The following SUPV3L1 variants were observed in gnomAD, a reference collection of about 807,000 sequenced individuals.
SUPV3L1 encodes the protein Suv3 like RNA helicase, also known as ATP-dependent RNA helicase SUPV3L1, mitochondrial.
In SUPV3L1, 35 loss-of-function variants were observed where a neutral mutation model predicts 70.0. The ratio of observed to expected loss-of-function variants is 0.50; its 90% CI spans 0.38 to 0.66. The LOEUF (loss-of-function observed/expected upper bound fraction) is 0.66. Ranked by LOEUF, SUPV3L1 falls within the 30% of genes least tolerant of loss-of-function variation. The pLI is 0.00. For synonymous variants in SUPV3L1, 364 were observed against 341.9 expected (o/e 1.06, Z -0.71); for missense variants, 777 against 961.5 (o/e 0.81, Z 2.54).
rs1842269220 is a variant in SUPV3L1, at chr10:69,187,660, TC to T, written c.479del (p.Pro160HisfsTer4). ...TTTCCAGCTCATGCGGATGATTTAT[TC>T]CCATTTTTCTTGAGACATGCCAAAC... ...CFGAAHADDL[F>X]PFFLRHAKQI... On this transcript the variant is annotated frameshift_variant, in exon 4 of 15. Transcript: ENST00000359655. LOFTEE classifies it high-confidence loss of function. 1 of 1,610,794 alleles carries T rather than the reference TC, an allele frequency of 6.2e-7. No individual in the cohort carries two copies. The highest frequency in any genetic ancestry group is 1.1e-5 in the South Asian group (1 of 90,230).
chr10:69,203,169 C>T, intron 13 of SUPV3L1, 126 bp downstream of exon 13: 1 of 1,003,962 alleles, frequency 1.0e-6, no homozygotes, highest in Non-Finnish European at 1.4e-6. Flanking sequence ...TTTGTAAAAA[C>T]TTAAATAGGG....
intron 11 of SUPV3L1, among the ~76,000 whole-genome samples, chr10:69,201,537 CTT>C (rs35634841): frequency 1.5e-4 from 20 of 137,512 alleles, no homozygotes; most frequent in East Asian, 2.1e-4. Context: ...TTTTTCTTTC[CTT>C]TTTTTTTTTT....
chr10:69,207,127 G>A (rs890067705), intron 13 of SUPV3L1, among the ~76,000 whole-genome samples: 1 of 152,154 alleles, frequency 6.6e-6, no homozygotes, highest in African/African-American at 2.4e-5. Flanking sequence ...TCTGTCCATA[G>A]CTTTAGAACA....
At chr10:69,189,226 T>G in intron 4 of SUPV3L1, 41 bp from the exon 5 acceptor site, 1 of 1,560,460 alleles carries the variant, frequency 6.4e-7, no homozygotes, top group Non-Finnish European at 8.7e-7. Flanking sequence ...GGATGGATTT[T>G]GAGGTTAATG....
intron 8 of SUPV3L1, 118 bp from the exon 9 acceptor site, chr10:69,198,254 C>T: frequency 1.2e-6 from 1 of 805,572 alleles, no homozygotes; most frequent in Non-Finnish European, 1.9e-6. Context: ...TTTTGAAAAA[C>T]ATTGGTACTT....
intron 1 of SUPV3L1, among the ~76,000 whole-genome samples, chr10:69,184,459 C>G (rs747298779): frequency 6.6e-6 from 1 of 152,090 alleles, no homozygotes. Context: ...CTCTTGAGCC[C>G]GAAAGGCGGA....
At chr10:69,183,882 C>CT (rs11375472) in intron 1 of SUPV3L1, among the ~76,000 whole-genome samples, 115,407 of 144,052 alleles carry the variant, frequency 0.8, 46,739 homozygotes, top group Non-Finnish European at 0.89. Flanking sequence ...TCCCCAGTGT[C>CT]TTTTTTTTTT....
At chr10:69,182,439 T>C in intron 1 of SUPV3L1, 1 of 811,634 alleles carries the variant, frequency 1.2e-6, no homozygotes, top group Non-Finnish European at 1.5e-6. Flanking sequence ...TTATTTTATA[T>C]TATTTGAAGG....
intron 10 of SUPV3L1, 52 bp downstream of exon 10, chr10:69,199,249 T>A (rs773426564): frequency 1.2e-4 from 177 of 1,419,330 alleles, no homozygotes; most frequent in Non-Finnish European, 1.6e-4. Context: ...AAATGGTGGT[T>A]TTTTTGTTTT....
Position 69,187,730 on chromosome 10 carries a change from C to T in SUPV3L1, c.546C>T (p.Ile182=). Residue 182 remains isoleucine (I), a synonymous_variant, in exon 4 of 15, where the codon ATC becomes ATT. Coordinates refer to ENST00000359655, the MANE Select transcript of SUPV3L1 (RefSeq NM_003171.5). ...ACTGTAAGGATGATCTACGTAAAAT[C>T]AGTGACTTAAGAATACCACCTAACT... ...VLDCKDDLRK[I]SDLRIPPNWY... 1.2e-6 allele frequency: 2 copies of T among 1,611,122 alleles called. No individual in the cohort carries two copies. Among genetic ancestry groups the T allele is most frequent in the East Asian group, 2.2e-5 (1 of 44,834 alleles).
intron 3 of SUPV3L1, among the ~76,000 whole-genome samples, chr10:69,187,093 G>T (rs995629459): frequency 6.6e-6 from 1 of 151,984 alleles, no homozygotes; most frequent in Non-Finnish European, 1.5e-5. Flanking sequence ...GCCTGTCTGT[G>T]GTTTTCGAAG....
chr10:69,202,395 A>T (rs1304124088), intron 11 of SUPV3L1, 44 bp from the exon 12 acceptor site: 1 of 1,535,232 alleles, frequency 6.5e-7, no homozygotes, highest in African/African-American at 1.5e-5. Context: ...TCCTTTTTGA[A>T]AAAAAAAAAA....
At chr10:69,201,369 G>T (rs1360135878) in intron 11 of SUPV3L1, among the ~76,000 whole-genome samples, 5 of 152,084 alleles carry the variant, frequency 3.3e-5, no homozygotes, top group Non-Finnish European at 7.4e-5. Context: ...TAGCTAAAGA[G>T]AACTCACTTC....
In SUPV3L1 at chr10:69,180,334, G is replaced by C; in HGVS notation, c.43G>C (p.Gly15Arg). Residue 15 changes from glycine to arginine, a missense_variant, in exon 1 of 15, where the codon GGG becomes CGG. Transcript: ENST00000359655. ...RALLWARLPA[G>R]RQAGHRAAIC... is the part of the protein sequence containing the mutation. ...CCTATTGTGGGCTCGGCTCCCGGCG[G>C]GGCGCCAGGCTGGCCACCGGGCAGC... is the stretch of plus-strand genomic sequence containing the variant. The C allele has an allele frequency of 6.2e-7, 1 of 1,614,042 alleles. No individual in the cohort carries two copies. The highest frequency in any genetic ancestry group is 8.5e-7 in the Non-Finnish European group (1 of 1,179,996).
At position 69,195,105 on chromosome 10, in the gene SUPV3L1, G is replaced by A. The variant is rs1842507078; in HGVS notation, c.854-83G>A. On this transcript the variant is annotated intron_variant, in intron 6 of 14. Transcript: ENST00000359655. ...AAGTGATGGTGGTAGTGGTGATGGT[G>A]ATGCTTGAATTTTGGTGTTGGAATT... 6 of 1,079,034 alleles carry A rather than the reference G, an allele frequency of 5.6e-6. No homozygotes were observed. In the Admixed American group the frequency reaches 1.4e-4, roughly 25 times the overall value. The allele number at this position is 1,079,034 out of a possible 1,614,324, so 66.8% of individuals were successfully genotyped here.
At chr10:69,206,618 T>C (rs1049455265) in intron 13 of SUPV3L1, among the ~76,000 whole-genome samples, 4 of 151,904 alleles carry the variant, frequency 2.6e-5, no homozygotes, top group African/African-American at 7.3e-5. Flanking sequence ...AAGCAAAGAG[T>C]GTTGACTTGG....
chr10:69,191,503 A>G (rs1842396522), intron 5 of SUPV3L1, 152 bp from the exon 6 acceptor site: 2 of 616,030 alleles, frequency 3.2e-6, no homozygotes, highest in Non-Finnish European at 5.7e-6. Flanking sequence ...CTGGGATTAC[A>G]GGCATGAGCC....
rs550259825 is a variant in SUPV3L1, at chr10:69,193,925, C to T, written c.854-1263C>T. Among the ~76,000 whole-genome samples the T allele has an allele frequency of 1.1e-4, 17 of 152,154 alleles. No homozygotes were observed. The East Asian group carries it at 2.3e-3, about 21-fold the overall frequency. ...GATGAGACACTACTTTTTGCCATAG[C>T]GATGGATTTAAAACCCCTAAGGATG... On this transcript the variant is annotated intron_variant, in intron 6 of 14. Coordinates refer to ENST00000359655, the MANE Select transcript of SUPV3L1 (RefSeq NM_003171.5).
chr10:69,196,513 A>G (rs1589384980), intron 7 of SUPV3L1, among the ~76,000 whole-genome samples: 1 of 152,104 alleles, frequency 6.6e-6, no homozygotes, highest in East Asian at 1.9e-4. Flanking sequence ...GGAAAAAAAA[A>G]AAAAGGCTGA....
Sources: allele counts gnomAD v4.1 joint callset (sites outside exome capture counted in the v4.1 genomes callset), GRCh38; gene constraint gnomAD v4.1.1; transcripts MANE v1.5; gene names NCBI Gene and HGNC (gene_info 2026-07-23, HGNC 2026-07-21).